HEPH: variants seen among roughly 807,000 people sequenced by gnomAD.
HEPH encodes the protein hephaestin.
In HEPH, 69 loss-of-function variants were observed where a neutral mutation model predicts 80.8. The ratio of observed to expected loss-of-function variants is 0.85; its 90% CI spans 0.70 to 1.04. HEPH has a LOEUF of 1.04. Ranked by LOEUF, HEPH falls within the 50% of genes least tolerant of loss-of-function variation. HEPH has a pLI of 0.00. For synonymous variants in HEPH, 431 were observed against 322.8 expected (o/e 1.34, Z -3.60); for missense variants, 1,115 against 891.3 (o/e 1.25, Z -3.20).
In HEPH at chrX:66,267,154, G is replaced by C. The variant is rs1213698133; in HGVS notation, c.*482G>C. 8 of 116,359 alleles carry C rather than the reference G, an allele frequency of 6.9e-5. No homozygotes were observed. The highest frequency in any genetic ancestry group is 2.6e-4 in the African/African-American group (8 of 30,806). 9.6% of individuals were successfully genotyped at this position (116,359 alleles called of 1,213,427 possible). The stretch of plus-strand genomic sequence containing the variant: ...AGGCTTGATGGGAAATTGAAGGTAG[G>C]CTGAGTATTGGGAATCCAAATTGAA... On this transcript the variant is annotated 3_prime_UTR_variant, in exon 21 of 21. Coordinates refer to ENST00000343002, the MANE Select transcript of HEPH (RefSeq NM_001367233.3).
chrX:66,164,724 C>G (rs2086286370), intron 1 of HEPH, among the ~76,000 whole-genome samples: 1 of 111,918 alleles, frequency 8.9e-6, no homozygotes, highest in Non-Finnish European at 1.9e-5. Flanking sequence ...CAGAATAGTT[C>G]ATTTTCCTGT....
At chrX:66,199,146 G>A (rs1366516203) in intron 11 of HEPH, 118 bp downstream of exon 11, 2 of 733,803 alleles carry the variant, frequency 2.7e-6, no homozygotes, top group Admixed American at 2.7e-5. Flanking sequence ...TGTCCAAGAG[G>A]CGAGCTAGAT....
rs146202640 is a variant in HEPH at position 66,266,608 on chromosome X, A to C, written c.3413A>C (p.Lys1138Thr). The change falls in exon 21 of 21, where the codon AAG becomes ACG. Residue 1138 changes from lysine (K) to threonine (T), a missense_variant. This residue lies in a region of HEPH where 716 missense variants were observed against 523.5 expected (regional missense o/e 1.37). Coordinates refer to ENST00000343002, the MANE Select transcript of HEPH (RefSeq NM_001367233.3). Reference protein sequence around the residue: ...GVVWYQHRQRKLRRNRRSILD... With the variant: ...GVVWYQHRQRTLRRNRRSILD... The stretch of plus-strand genomic sequence containing the variant: ...GTTTGGTACCAACATCGACAGAGAA[A>C]GCTACGACGCAATAGGAGGTCCATC... 4 of 1,207,778 alleles carry C rather than the reference A, an allele frequency of 3.3e-6. No individual in the cohort carries two copies. In the African/African-American group the frequency reaches 7.1e-5, roughly 21 times the overall value.
chrX:66,255,417 A>G (rs975499908), intron 16 of HEPH, among the ~76,000 whole-genome samples: 1 of 106,608 alleles, frequency 9.4e-6, no homozygotes, highest in Non-Finnish European at 1.9e-5. Context: ...ACACAAACAA[A>G]CAAAAAACAC....
chrX:66,244,337 T>G (rs1175989328), intron 15 of HEPH, among the ~76,000 whole-genome samples: 1 of 112,001 alleles, frequency 8.9e-6, no homozygotes. Flanking sequence ...TTACATAATC[T>G]GATATTTCTC....
At chrX:66,231,784 A>C (rs1353107493) in intron 15 of HEPH, among the ~76,000 whole-genome samples, 4 of 105,798 alleles carry the variant, frequency 3.8e-5, no homozygotes, top group African/African-American at 1.4e-4. Flanking sequence ...TCTCCTGCCT[A>C]ATTGCCCTGG....
chrX:66,258,053 T>A (rs901076174), intron 17 of HEPH, among the ~76,000 whole-genome samples: 1 of 112,140 alleles, frequency 8.9e-6, no homozygotes, highest in African/African-American at 3.2e-5. Flanking sequence ...GGCAGGTATT[T>A]TTTTAACATT....
chrX:66,228,541 ATAAAC>A (rs1450145033), intron 15 of HEPH, among the ~76,000 whole-genome samples: 2 of 112,944 alleles, frequency 1.8e-5, no homozygotes, highest in African/African-American at 3.2e-5. Flanking sequence ...TGGGACTTAA[ATAAAC>A]TAAAGTTACT....
intron 5 of HEPH, 54 bp from the exon 6 acceptor site, chrX:66,189,630 C>T (rs1025961891): frequency 8.6e-7 from 1 of 1,161,399 alleles, no homozygotes; most frequent in African/African-American, 1.8e-5. Context: ...AAGGCTTCTT[C>T]CATTTGGCTG....
At chrX:66,265,879 G>T (rs929840070) in intron 20 of HEPH, among the ~76,000 whole-genome samples, 1 of 111,637 alleles carries the variant, frequency 9.0e-6, no homozygotes, top group African/African-American at 3.3e-5. Flanking sequence ...TAGGCTAATT[G>T]GGAATCATCA....
At chrX:66,258,788 G>A in intron 17 of HEPH, 52 bp from the exon 18 acceptor site, 1 of 1,028,861 alleles carries the variant, frequency 9.7e-7, no homozygotes. Context: ...CCAAAGGAGA[G>A]ATGTAAGAAG....
rs1263547888 is a variant in HEPH at position 66,263,635 on chromosome X, C to A, written c.3200-9C>A. On this transcript the variant is annotated splice_polypyrimidine_tract_variant and intron_variant, in intron 19 of 20. Transcript: ENST00000343002. The stretch of plus-strand genomic sequence containing the variant: ...AGGCTAACCTCTTGTCTTTTTTCCC[C>A]CCAACCAGAACACTTAAGCCCTCTC... 1 of 1,209,488 alleles carries A rather than the reference C, an allele frequency of 8.3e-7. No homozygotes were observed. The highest frequency in any genetic ancestry group is 1.1e-6 in the Non-Finnish European group (1 of 894,108).
At chrX:66,224,429 T>A (rs1090834) in intron 15 of HEPH, among the ~76,000 whole-genome samples, 41,282 of 110,482 alleles carry the variant, frequency 0.37, 9,351 homozygotes, top group African/African-American at 0.86. Flanking sequence ...TAAGATTTAG[T>A]TCCCCTGTTA....
intron 15 of HEPH, among the ~76,000 whole-genome samples, chrX:66,217,480 T>A (rs2089446574): frequency 9.0e-6 from 1 of 111,587 alleles, no homozygotes; most frequent in Admixed American, 9.5e-5. Context: ...GACAAAGAAA[T>A]GCTGAAAAGA....
At chrX:66,260,018 C>G in intron 18 of HEPH, 82 bp from the exon 19 acceptor site, 1 of 878,000 alleles carries the variant, frequency 1.1e-6, no homozygotes, top group Admixed American at 2.3e-5. Flanking sequence ...ATGTGGACAT[C>G]ACAATTTTTT....
chrX:66,213,231 G>A (rs1044832253), intron 15 of HEPH, among the ~76,000 whole-genome samples: 22 of 100,940 alleles, frequency 2.2e-4, no homozygotes, highest in Non-Finnish European at 4.0e-4. Flanking sequence ...TCCCCTTCCT[G>A]TGTCCATGTG....
At chrX:66,227,283 A>G (rs1008263182) in intron 15 of HEPH, among the ~76,000 whole-genome samples, 3 of 111,874 alleles carry the variant, frequency 2.7e-5, no homozygotes, top group Non-Finnish European at 5.6e-5. Flanking sequence ...ATGACAGGCC[A>G]TACCTTAAGA....
At chrX:66,263,238 C>CTTTAT (rs1242792692) in intron 19 of HEPH, among the ~76,000 whole-genome samples, 4 of 111,613 alleles carry the variant, frequency 3.6e-5, no homozygotes, top group Non-Finnish European at 7.5e-5. Flanking sequence ...AAGAACTCAG[C>CTTTAT]TTTATTAAAT....
At chrX:66,240,554 C>G in intron 15 of HEPH, among the ~76,000 whole-genome samples, 1 of 104,867 alleles carries the variant, frequency 9.5e-6, no homozygotes. Context: ...CCCAGACATA[C>G]AACGTAAAAT....
Sources: gnomAD v4.1 joint callset for allele counts (sites outside exome capture counted in the v4.1 genomes callset) on GRCh38, gnomAD v4.1.1 for gene constraint, gnomAD v4.1.1 regional missense constraint, MANE v1.5 for transcripts, NCBI Gene and HGNC (gene_info 2026-07-23, HGNC 2026-07-21) for gene names.